GPATCH2L: variants seen among roughly 807,000 people sequenced by gnomAD.
The protein encoded by GPATCH2L is G-patch domain containing 2 like.
GPATCH2L carries 31 observed loss-of-function variants against 57.4 expected under a neutral mutation model. The observed-to-expected ratio is 0.54, with a 90% CI of 0.41 to 0.73. The LOEUF (loss-of-function observed/expected upper bound fraction) is 0.73. Among genes scored for constraint, GPATCH2L ranks in the 30% least tolerant of loss-of-function variants. GPATCH2L has a pLI of 0.00. For synonymous variants in GPATCH2L, 199 were observed against 210.7 expected (o/e 0.94, Z 0.48); for missense variants, 481 against 599.9 (o/e 0.80, Z 2.07).
At chr14:76,221,731 A>T (rs1418211164) in intron 1 of GPATCH2L, among the ~76,000 whole-genome samples, 1 of 152,222 alleles carries the variant, frequency 6.6e-6, no homozygotes, top group African/African-American at 2.4e-5. Flanking sequence ...CCAATCTGAA[A>T]AGGCTACCTA....
chr14:76,229,609 G>A (rs186491398), intron 1 of GPATCH2L, among the ~76,000 whole-genome samples: 10 of 152,114 alleles, frequency 6.6e-5, no homozygotes, highest in African/African-American at 1.2e-4. Context: ...TGGGCCCTGC[G>A]TAAGTGTCAA....
chr14:76,223,955 T>A (rs910584803), intron 1 of GPATCH2L, among the ~76,000 whole-genome samples: 1 of 152,204 alleles, frequency 6.6e-6, no homozygotes, highest in Non-Finnish European at 1.5e-5. Context: ...CATTTTAGCC[T>A]TATTTACAAT....
chr14:76,232,553 G>A (rs566164386), intron 2 of GPATCH2L, among the ~76,000 whole-genome samples: 9 of 152,292 alleles, frequency 5.9e-5, no homozygotes, highest in East Asian at 5.8e-4. Context: ...TTGCAAGTCC[G>A]GGGGCGTTCC....
In GPATCH2L at chr14:76,211,592, C is replaced by T. The variant is rs902613426; in HGVS notation, c.*9741C>T. On this transcript the variant is annotated 3_prime_UTR_variant, in exon 10 of 10. Coordinates refer to ENST00000261530, the MANE Select transcript of GPATCH2L (RefSeq NM_017926.4). ...AATGCACAATGTGATGGTCTTAGTT[C>T]CTTGTACTGTTCTTCAGTGTCAAAG... The T allele has an allele frequency of 5.3e-5, 8 of 152,192 alleles. No individual in the cohort carries two copies. Among genetic ancestry groups the T allele is most frequent in the Non-Finnish European group, 8.8e-5 (6 of 68,040 alleles). The allele number at this position is 152,192 out of a possible 1,614,324, so 9.4% of individuals were successfully genotyped here. A position where few individuals can be genotyped will look rare whatever the true frequency, so the allele number is the denominator to read the frequency against.
chr14:76,170,387 T>A (rs1242218643), intron 3 of GPATCH2L, among the ~76,000 whole-genome samples: 1 of 152,208 alleles, frequency 6.6e-6, no homozygotes, highest in Non-Finnish European at 1.5e-5. Flanking sequence ...AATTATCTAT[T>A]CTTTGTTGGC....
chr14:76,171,608 A>G (rs1040350160), intron 3 of GPATCH2L, among the ~76,000 whole-genome samples: 1 of 151,994 alleles, frequency 6.6e-6, no homozygotes, highest in African/African-American at 2.4e-5. Flanking sequence ...ATAGCCAGGC[A>G]TAGTGGCATG....
At chr14:76,230,505 C>G (rs1174646268) in intron 2 of GPATCH2L, 1 of 152,104 alleles carries the variant, frequency 6.6e-6, no homozygotes, top group East Asian at 1.9e-4. Context: ...CTGCAAGCCT[C>G]TGGGTGGGGC....
At chr14:76,225,148 A>G (rs754013128) in intron 1 of GPATCH2L, among the ~76,000 whole-genome samples, 3 of 152,182 alleles carry the variant, frequency 2.0e-5, no homozygotes, top group Non-Finnish European at 4.4e-5. Context: ...AACATTAGAG[A>G]CCAAGAATAG....
At chr14:76,152,165 A>T (rs942258154) in intron 1 of GPATCH2L, among the ~76,000 whole-genome samples, 174 bp downstream of exon 1, 16 of 151,914 alleles carry the variant, frequency 1.1e-4, no homozygotes, top group African/African-American at 2.9e-4. Flanking sequence ...ATCCCTGGGG[A>T]TGTGGGTCGG....
chr14:76,167,254 C>T (rs902679008), intron 3 of GPATCH2L, among the ~76,000 whole-genome samples: 3 of 151,974 alleles, frequency 2.0e-5, no homozygotes, highest in African/African-American at 7.3e-5. Context: ...AGTTAATTAC[C>T]AGTTCTTTAT....
intron 9 of GPATCH2L, among the ~76,000 whole-genome samples, chr14:76,198,414 C>G (rs1484060600): frequency 6.6e-6 from 1 of 152,190 alleles, no homozygotes; most frequent in African/African-American, 2.4e-5. Flanking sequence ...ATAATAAACC[C>G]AGATGAAAAC....
downstream of GPATCH2L, among the ~76,000 whole-genome samples, chr14:76,217,150 G>A (rs2040493442): frequency 6.6e-6 from 1 of 152,146 alleles, no homozygotes; most frequent in South Asian, 2.1e-4. Flanking sequence ...ATAGCCTGTA[G>A]GCCAAATCTG....
intron 8 of GPATCH2L, among the ~76,000 whole-genome samples, chr14:76,186,660 C>G (rs1360299053): frequency 6.6e-6 from 1 of 152,208 alleles, no homozygotes; most frequent in African/African-American, 2.4e-5. Context: ...GTATAGTACA[C>G]AGTTCTTGAA....
intron 8 of GPATCH2L, among the ~76,000 whole-genome samples, chr14:76,183,526 G>A (rs1193576345): frequency 1.2e-4 from 18 of 152,136 alleles, no homozygotes; most frequent in South Asian, 6.2e-4. Context: ...CTAGTAGCAC[G>A]TATTTATATT....
intron 8 of GPATCH2L, among the ~76,000 whole-genome samples, chr14:76,184,168 C>T (rs1392077227): frequency 6.6e-6 from 1 of 151,994 alleles, no homozygotes; most frequent in Admixed American, 6.6e-5. Flanking sequence ...TATTAATTTG[C>T]TGTATTGCCT....
intron 1 of GPATCH2L, among the ~76,000 whole-genome samples, chr14:76,224,069 A>G (rs1262958211): frequency 6.6e-6 from 1 of 152,236 alleles, no homozygotes; most frequent in Non-Finnish European, 1.5e-5. Context: ...AAAAGACTGA[A>G]GTACTGATTC....
At chr14:76,183,958 A>G (rs975781843) in intron 8 of GPATCH2L, among the ~76,000 whole-genome samples, 18 of 151,834 alleles carry the variant, frequency 1.2e-4, no homozygotes, top group Non-Finnish European at 1.8e-4. Context: ...TTTTATTTGT[A>G]GTAGGGAAAC....
intron 2 of GPATCH2L, among the ~76,000 whole-genome samples, chr14:76,163,310 G>A (rs1594917818): frequency 1.3e-5 from 2 of 152,292 alleles, no homozygotes; most frequent in Admixed American, 1.3e-4. Context: ...TACCTGGCCT[G>A]CAGTAGAACT....
intron 1 of GPATCH2L, chr14:76,152,469 C>T: frequency 3.1e-6 from 1 of 326,472 alleles, no homozygotes; most frequent in East Asian, 7.9e-5. Flanking sequence ...TCCTGCCTCT[C>T]CCACCTCCTA....
Sources: allele counts gnomAD v4.1 joint callset (sites outside exome capture counted in the v4.1 genomes callset), GRCh38; gene constraint gnomAD v4.1.1; transcripts MANE v1.5; gene names NCBI Gene and HGNC (gene_info 2026-07-23, HGNC 2026-07-21).